HSPBAP1: variants seen among roughly 807,000 people sequenced by gnomAD.
HSPBAP1 encodes HSPB1 associated protein 1, also known as HSPB1-associated protein 1.
Under a neutral mutation model 45.2 loss-of-function variants are expected in HSPBAP1, and 27 were observed. The observed-to-expected ratio is 0.60, with a 90% CI of 0.44 to 0.82. The LOEUF (loss-of-function observed/expected upper bound fraction) is 0.82, where lower values mean the gene tolerates loss of function less well. Among genes scored for constraint, HSPBAP1 ranks in the 40% least tolerant of loss-of-function variants. The pLI is 0.00. For synonymous variants in HSPBAP1, 204 were observed against 202.7 expected, an observed-to-expected ratio of 1.01 and a Z score of -0.06; for missense variants, 510 against 590.9, an observed-to-expected ratio of 0.86 and a Z score of 1.42.
Position 122,741,049 on chromosome 3 carries a change from G to C in HSPBAP1, c.890C>G (p.Thr297Ser). 1 of 1,614,180 alleles carries C rather than the reference G, an allele frequency of 6.2e-7. No individual in the cohort carries two copies. The highest frequency in any genetic ancestry group is 8.5e-7 in the Non-Finnish European group (1 of 1,179,998). Residue 297 changes from threonine to serine, a missense_variant, in exon 7 of 8, where the codon ACT becomes AGT. Transcript: ENST00000306103. ...TCTGGTATTTTGTGGATTCTCTGCA[G>C]TTTTCAGGGCACACACAAGCATACG... is the stretch of plus-strand genomic sequence containing the variant. Reference protein sequence around the residue: ...ITRMLVCALKTAENPQNTRAW... With the variant: ...ITRMLVCALKSAENPQNTRAW...
intron 3 of HSPBAP1, chr3:122,761,913 G>A (rs1256397624): frequency 6.6e-6 from 1 of 152,002 alleles, no homozygotes; most frequent in Non-Finnish European, 1.5e-5. Context: ...AAGTCAATGT[G>A]GGCCCAGGAA....
intron 1 of HSPBAP1, among the ~76,000 whole-genome samples, chr3:122,781,463 G>A (rs1360940796): frequency 2.6e-5 from 4 of 152,044 alleles, no homozygotes; most frequent in Admixed American, 2.6e-4. Flanking sequence ...GCTGAGGCAG[G>A]AGAATCAGGC....
intron 5 of HSPBAP1, chr3:122,753,918 A>T: frequency 1.0e-6 from 1 of 984,418 alleles, no homozygotes. Flanking sequence ...CAGAAGAGAA[A>T]ATGAATTGGC....
intron 4 of HSPBAP1, among the ~76,000 whole-genome samples, chr3:122,756,726 G>A (rs567427186): frequency 2.7e-4 from 41 of 151,424 alleles, no homozygotes; most frequent in Admixed American, 4.6e-4. Context: ...AATTCATTTC[G>A]GAGCTATAAG....
intron 2 of HSPBAP1, among the ~76,000 whole-genome samples, chr3:122,777,466 A>G (rs1455703606): frequency 6.6e-6 from 1 of 152,250 alleles, no homozygotes; most frequent in African/African-American, 2.4e-5. Context: ...TATACATATA[A>G]GATACATGAA....
chr3:122,762,228 A>T (rs1473425579), intron 3 of HSPBAP1, among the ~76,000 whole-genome samples: 1 of 152,006 alleles, frequency 6.6e-6, no homozygotes, highest in Non-Finnish European at 1.5e-5. Flanking sequence ...TTCCTGCCAA[A>T]AATTGCTATT....
intron 4 of HSPBAP1, chr3:122,758,914 A>C: frequency 2.7e-6 from 1 of 371,048 alleles, no homozygotes; most frequent in Non-Finnish European, 5.3e-6. Context: ...AAAAAAAAAA[A>C]AAGACCAAGC....
At chr3:122,779,574 A>T (rs537169590) in intron 1 of HSPBAP1, among the ~76,000 whole-genome samples, 1 of 151,468 alleles carries the variant, frequency 6.6e-6, no homozygotes, top group African/African-American at 2.4e-5. Flanking sequence ...TGGCAGGGTC[A>T]TAGGACAATA....
At chr3:122,747,181 C>A (rs569483112) in intron 6 of HSPBAP1, among the ~76,000 whole-genome samples, 3 of 151,502 alleles carry the variant, frequency 2.0e-5, no homozygotes, top group Non-Finnish European at 4.4e-5. Context: ...CATCTCTGCC[C>A]GGCCGCCATC....
chr3:122,765,595 G>GA (rs1934751659), intron 3 of HSPBAP1, among the ~76,000 whole-genome samples: 1 of 140,780 alleles, frequency 7.1e-6, no homozygotes. Flanking sequence ...AAAAAAAAAA[G>GA]AGAAAAAGAA....
chr3:122,747,078 A>T (rs374743604), intron 6 of HSPBAP1, among the ~76,000 whole-genome samples: 2 of 148,972 alleles, frequency 1.3e-5, no homozygotes, highest in Admixed American at 6.7e-5. Flanking sequence ...CCGCCACCCC[A>T]TCTGGGAAGT....
At chr3:122,782,278 A>C (rs1000835496) in intron 1 of HSPBAP1, among the ~76,000 whole-genome samples, 1 of 152,246 alleles carries the variant, frequency 6.6e-6, no homozygotes, top group Non-Finnish European at 1.5e-5. Context: ...TTTTTATTGC[A>C]ATTTTAAAAG....
intron 4 of HSPBAP1, among the ~76,000 whole-genome samples, chr3:122,757,497 T>C (rs1294697295): frequency 6.6e-6 from 1 of 152,202 alleles, no homozygotes; most frequent in Non-Finnish European, 1.5e-5. Context: ...TCTCTTCTAC[T>C]TTTTAGTCCC....
intron 1 of HSPBAP1, among the ~76,000 whole-genome samples, chr3:122,783,699 A>C (rs767590794): frequency 2.0e-5 from 3 of 152,212 alleles, no homozygotes; most frequent in Non-Finnish European, 4.4e-5. Context: ...GACTGCAGTT[A>C]ATTGTGGAAA....
At position 122,777,128 on chromosome 3, in the gene HSPBAP1, T is replaced by C. The variant is rs191164262; in HGVS notation, c.250+593A>G. On this transcript the variant is annotated intron_variant, in intron 2 of 7. Coordinates refer to ENST00000306103, the MANE Select transcript of HSPBAP1 (RefSeq NM_024610.6). ...TGAAAATAGGGCAAACAAATCAAAA[T>C]GTTATGATTTTGATTTCAGAAAAGA... is the stretch of plus-strand genomic sequence containing the variant. Among the ~76,000 whole-genome samples, 4 of 152,238 alleles carry C rather than the reference T, an allele frequency of 2.6e-5. No homozygotes were observed. In the East Asian group the frequency reaches 7.7e-4, roughly 29 times the overall value.
At chr3:122,755,536 A>G (rs1158323152) in intron 4 of HSPBAP1, 105 bp from the exon 5 acceptor site, 1 of 857,738 alleles carries the variant, frequency 1.2e-6, no homozygotes. Flanking sequence ...TTTAAATTCA[A>G]TCCCTAAGGG....
chr3:122,768,938 T>TG lies in HSPBAP1; in HGVS notation c.251-57dup. 2.6e-6 allele frequency: 3 copies of TG among 1,155,990 alleles called. 1 individual carries two copies. The highest frequency in any genetic ancestry group is 3.6e-6 in the Non-Finnish European group (3 of 822,566). The allele number at this position is 1,155,990 out of a possible 1,614,324, so 71.6% of individuals were successfully genotyped here. A position where few individuals can be genotyped will look rare whatever the true frequency, so the allele number is the denominator to read the frequency against. On this transcript the variant is annotated intron_variant, in intron 2 of 7. Transcript: ENST00000306103. ...TATAATGAACACATTTCCTAATTAT[T>TG]GTTTTTTTTTTAAAATAAAGATAAT...
chr3:122,779,653 G>A (rs956552203), intron 1 of HSPBAP1, among the ~76,000 whole-genome samples: 106 of 150,410 alleles, frequency 7.0e-4, no homozygotes, highest in African/African-American at 2.3e-3. Context: ...AGGACCCTGC[G>A]GCCTTCCGCA....
chr3:122,773,935 A>G (rs886491650), intron 2 of HSPBAP1, among the ~76,000 whole-genome samples: 1 of 152,238 alleles, frequency 6.6e-6, no homozygotes, highest in African/African-American at 2.4e-5. Context: ...TACCATGGCC[A>G]GCCTGAAAGA....
Sources: allele counts gnomAD v4.1 joint callset (sites outside exome capture counted in the v4.1 genomes callset), GRCh38; gene constraint gnomAD v4.1.1; transcripts MANE v1.5; gene names NCBI Gene and HGNC (gene_info 2026-07-23, HGNC 2026-07-21).